STK38L: variants seen among roughly 807,000 people sequenced by gnomAD.
The protein encoded by STK38L is serine/threonine-protein kinase 38-like.
A neutral mutation model predicts 59.7 loss-of-function variants in STK38L; 28 were observed. The ratio of observed to expected loss-of-function variants is 0.47; its 90% CI spans 0.35 to 0.64. The LOEUF (loss-of-function observed/expected upper bound fraction) is 0.64, where lower values mean the gene tolerates loss of function less well. STK38L is among the 30% of genes least tolerant of loss of function. STK38L has a pLI of 0.01. For missense variants in STK38L, 314 were observed against 555.8 expected (o/e 0.56, Z 4.37); for synonymous variants, 162 against 176.8 (o/e 0.92, Z 0.66).
intron 1 of STK38L, among the ~76,000 whole-genome samples, chr12:27,246,442 G>A (rs1942856133): frequency 6.6e-6 from 1 of 152,136 alleles, no homozygotes; most frequent in Non-Finnish European, 1.5e-5. Context: ...ATAGTGTCAG[G>A]TGAATCAAGC....
At chr12:27,245,752 A>G (rs1272820664) in intron 1 of STK38L, 1 of 152,078 alleles carries the variant, frequency 6.6e-6, no homozygotes, top group Non-Finnish European at 1.5e-5. Context: ...ATTTTATTGC[A>G]TAAGTTCATC....
chr12:27,246,966 C>A (rs775855836), intron 1 of STK38L, among the ~76,000 whole-genome samples: 1 of 152,180 alleles, frequency 6.6e-6, no homozygotes, highest in Non-Finnish European at 1.5e-5. Context: ...AGAAATATAC[C>A]TACCCAAATA....
At chr12:27,300,266 C>T (rs1405628160) in intron 2 of STK38L, among the ~76,000 whole-genome samples, 2 of 152,120 alleles carry the variant, frequency 1.3e-5, no homozygotes, top group East Asian at 3.8e-4. Context: ...TGGATAAATG[C>T]ATAAGCCCAA....
At chr12:27,296,118 C>T (rs1944014513) in intron 1 of STK38L, among the ~76,000 whole-genome samples, 3 of 152,182 alleles carry the variant, frequency 2.0e-5, no homozygotes, top group Non-Finnish European at 4.4e-5. Flanking sequence ...TGCAATCATG[C>T]ATGGCAAGTG....
At chr12:27,306,786 C>T (rs2136644101) in intron 3 of STK38L, among the ~76,000 whole-genome samples, 1 of 146,422 alleles carries the variant, frequency 6.8e-6, no homozygotes, top group South Asian at 2.2e-4. Context: ...TCTTGTCACC[C>T]AGGCTGGAGT....
chr12:27,311,806 C>T (rs1464394632), intron 5 of STK38L, among the ~76,000 whole-genome samples: 2 of 151,466 alleles, frequency 1.3e-5, no homozygotes, highest in Non-Finnish European at 3.0e-5. Flanking sequence ...AAGCTGGGAC[C>T]TTTGTTTAAC....
chr12:27,308,237 G>A lies in STK38L; in HGVS notation c.187-102G>A, dbSNP rs964522631. ...TAGCCTAATAGTATATTACATATTA[G>A]TGCTATCATTTATTTTTACGTGTAT... On this transcript the variant is annotated intron_variant, in intron 3 of 13. Transcript: ENST00000389032. The surrounding 1 kb of genome is among the most constrained non-coding windows in gnomAD (Gnocchi z 4.5). 2.6e-6 allele frequency: 3 copies of A among 1,138,254 alleles called. No homozygotes were observed. The highest frequency in any genetic ancestry group is 3.5e-6 in the Non-Finnish European group (3 of 849,230). 70.5% of individuals were successfully genotyped at this position (1,138,254 alleles called of 1,614,324 possible).
At chr12:27,276,195 A>C (rs1411321754) in intron 1 of STK38L, among the ~76,000 whole-genome samples, 1 of 152,200 alleles carries the variant, frequency 6.6e-6, no homozygotes, top group Non-Finnish European at 1.5e-5. Context: ...TCAAACCATG[A>C]CCAATCTTGA....
intron 3 of STK38L, among the ~76,000 whole-genome samples, chr12:27,306,058 T>C (rs1944302855): frequency 6.6e-6 from 1 of 152,158 alleles, no homozygotes; most frequent in African/African-American, 2.4e-5. Context: ...TGGAATCAAT[T>C]TTTTTTAACT....
chr12:27,315,438 A>G (rs918546638), intron 9 of STK38L, 88 bp downstream of exon 9: 2 of 1,037,298 alleles, frequency 1.9e-6, no homozygotes, highest in South Asian at 1.6e-5. Context: ...CTTTATAATA[A>G]TTAGTATTTA....
chr12:27,297,715 G>A lies in STK38L; in HGVS notation c.-6G>A, dbSNP rs747322320. 1.4e-5 allele frequency: 23 copies of A among 1,604,638 alleles called. No homozygotes were observed. Among genetic ancestry groups the A allele is most frequent in the Admixed American group, 1.4e-4 (8 of 58,534 alleles). On this transcript the variant is annotated 5_prime_UTR_variant, in exon 2 of 14. Transcript: ENST00000389032. The stretch of plus-strand genomic sequence containing the variant: ...GTTTTTCTATGTTGTTTCAGTTTCC[G>A]TTACTATGGCAATGACGGCAGGGAC...
chr12:27,314,801 G>C (rs1944546016), intron 7 of STK38L, 143 bp downstream of exon 7: 3 of 1,020,938 alleles, frequency 2.9e-6, no homozygotes, highest in Non-Finnish European at 2.8e-6. Flanking sequence ...GAGGACTTGG[G>C]AATTAAATGA....
chr12:27,265,650 C>CT (rs1388063277), intron 1 of STK38L, among the ~76,000 whole-genome samples: 2 of 152,096 alleles, frequency 1.3e-5, no homozygotes, highest in African/African-American at 4.8e-5. Context: ...TTCAGTTCTT[C>CT]TTTTTTTATT....
chr12:27,284,627 AG>A (rs1182609840), intron 1 of STK38L, among the ~76,000 whole-genome samples: 2 of 152,356 alleles, frequency 1.3e-5, no homozygotes, highest in East Asian at 3.9e-4. Context: ...CTTGAATTAC[AG>A]GATATCCTTG....
chr12:27,273,424 A>G (rs1158833226), intron 1 of STK38L, among the ~76,000 whole-genome samples: 1 of 152,034 alleles, frequency 6.6e-6, no homozygotes, highest in Non-Finnish European at 1.5e-5. Context: ...TATAACATTT[A>G]TAACATACAC....
chr12:27,260,195 T>G (rs1197788133), intron 1 of STK38L, among the ~76,000 whole-genome samples: 1 of 152,222 alleles, frequency 6.6e-6, no homozygotes, highest in Non-Finnish European at 1.5e-5. Flanking sequence ...TAACTAGGAA[T>G]TATTCTAAAG....
intron 1 of STK38L, among the ~76,000 whole-genome samples, chr12:27,277,557 C>G (rs1282816108): frequency 1.3e-5 from 2 of 152,134 alleles, no homozygotes; most frequent in East Asian, 1.9e-4. Context: ...GAAGGAAGAG[C>G]TGTCTACCCT....
intron 1 of STK38L, among the ~76,000 whole-genome samples, chr12:27,268,424 C>T (rs1184462688): frequency 6.6e-6 from 1 of 152,162 alleles, no homozygotes; most frequent in African/African-American, 2.4e-5. Flanking sequence ...CAGCTTCATC[C>T]ATGTCCCTAC....
chr12:27,273,763 G>C (rs192781518), intron 1 of STK38L, among the ~76,000 whole-genome samples: 1 of 152,258 alleles, frequency 6.6e-6, no homozygotes, highest in Non-Finnish European at 1.5e-5. Context: ...TCTAATTTCA[G>C]AATAATAGTC....
Sources: allele counts gnomAD v4.1 joint callset (sites outside exome capture counted in the v4.1 genomes callset), GRCh38; gene constraint gnomAD v4.1.1; non-coding constraint Gnocchi (gnomAD v3.1); transcripts MANE v1.5; gene names NCBI Gene and HGNC (gene_info 2026-07-23, HGNC 2026-07-21).